Variants in CCDC91 observed in about 807,000 individuals in gnomAD.
CCDC91 encodes coiled-coil domain containing 91, also known as coiled-coil domain-containing protein 91.
In CCDC91, 48 loss-of-function variants were observed where a neutral mutation model predicts 63.2. That is an observed-to-expected ratio of 0.76 (90% CI 0.60 to 0.97). The LOEUF is 0.97. CCDC91 is among the 50% of genes least tolerant of loss of function. The probability of loss-of-function intolerance (pLI) is 0.00; values close to 1 mark genes in which losing one functional copy is unlikely to be tolerated. For missense variants in CCDC91, 500 were observed against 494.6 expected (o/e 1.01, Z -0.10); for synonymous variants, 167 against 165.8 (o/e 1.01, Z -0.06).
At chr12:28,498,807 C>T (rs992528773) in intron 12 of CCDC91, among the ~76,000 whole-genome samples, 4 of 151,672 alleles carry the variant, frequency 2.6e-5, no homozygotes, top group African/African-American at 9.7e-5. Flanking sequence ...CTAGGTAGCA[C>T]TCTTAAGTGC....
intron 3 of CCDC91, among the ~76,000 whole-genome samples, chr12:28,279,882 T>G (rs1948487881): frequency 6.6e-6 from 1 of 151,470 alleles, no homozygotes; most frequent in Admixed American, 6.6e-5. Context: ...TCTCTGTGTA[T>G]ATATACGATG....
At chr12:28,453,785 A>C (rs1354321898) in intron 11 of CCDC91, among the ~76,000 whole-genome samples, 3 of 152,152 alleles carry the variant, frequency 2.0e-5, no homozygotes, top group Non-Finnish European at 4.4e-5. Context: ...AGTAAGGTCA[A>C]GTTCACTGGC....
intron 1 of CCDC91, among the ~76,000 whole-genome samples, chr12:28,250,153 G>T (rs1946024202): frequency 6.6e-6 from 1 of 151,990 alleles, no homozygotes; most frequent in Non-Finnish European, 1.5e-5. Flanking sequence ...TAGATATAAG[G>T]GTTTGGAGAG....
chr12:28,519,287 G>GTTGT (rs1349772208), intron 12 of CCDC91, among the ~76,000 whole-genome samples: 1 of 134,764 alleles, frequency 7.4e-6, no homozygotes, highest in African/African-American at 2.7e-5. Context: ...ATATTGCTAA[G>GTTGT]TTGTTTGTTT....
intron 6 of CCDC91, among the ~76,000 whole-genome samples, chr12:28,337,597 T>C (rs1942084034): frequency 6.6e-6 from 1 of 152,066 alleles, no homozygotes; most frequent in African/African-American, 2.4e-5. Flanking sequence ...AAATACATAC[T>C]TTAAATTGGT....
chr12:28,329,907 T>A (rs1173897336), intron 6 of CCDC91, among the ~76,000 whole-genome samples: 1 of 152,138 alleles, frequency 6.6e-6, no homozygotes, highest in Non-Finnish European at 1.5e-5. Flanking sequence ...AGAATGATGG[T>A]TTCCAGCTTC....
chr12:28,332,213 AC>A (rs1187855655), intron 6 of CCDC91, among the ~76,000 whole-genome samples: 1 of 152,148 alleles, frequency 6.6e-6, no homozygotes, highest in Non-Finnish European at 1.5e-5. Flanking sequence ...CAGATCTGGG[AC>A]TTATTGCTTC....
intron 12 of CCDC91, among the ~76,000 whole-genome samples, chr12:28,515,132 T>C (rs186491097): frequency 3.3e-5 from 5 of 151,664 alleles, no homozygotes; most frequent in African/African-American, 1.2e-4. Context: ...ATCATTTGTG[T>C]TTTTTTTCCC....
intron 11 of CCDC91, among the ~76,000 whole-genome samples, chr12:28,461,858 G>C (rs1950324244): frequency 6.6e-6 from 1 of 151,974 alleles, no homozygotes; most frequent in Non-Finnish European, 1.5e-5. Flanking sequence ...GTTCTTGCTA[G>C]GATGGCCACC....
rs1269548159 is a variant in CCDC91, at chr12:28,550,066, G to A, written c.*893G>A. ...AAACTAAAATGTCATTAATATGTAT[G>A]TATGCAAATGTTTTATCTTATTTTC... On this transcript the variant is annotated 3_prime_UTR_variant, in exon 13 of 13. Transcript: ENST00000536442. 6.6e-6 allele frequency: 1 copy of A among 152,360 alleles called. No individual in the cohort carries two copies. The highest frequency in any genetic ancestry group is 2.4e-5 in the African/African-American group (1 of 41,386). 9.4% of individuals were successfully genotyped at this position (152,360 alleles called of 1,614,324 possible). A position where few individuals can be genotyped will look rare whatever the true frequency, so the allele number is the denominator to read the frequency against.
intron 3 of CCDC91, among the ~76,000 whole-genome samples, chr12:28,287,371 A>G (rs1325503350): frequency 6.6e-6 from 1 of 152,054 alleles, no homozygotes; most frequent in Non-Finnish European, 1.5e-5. Context: ...ATCCACTCTT[A>G]TGTTAATTTT....
At chr12:28,314,889 A>G (rs1042544576) in intron 6 of CCDC91, among the ~76,000 whole-genome samples, 2 of 151,996 alleles carry the variant, frequency 1.3e-5, no homozygotes, top group African/African-American at 2.4e-5. Flanking sequence ...TGAGAGATCA[A>G]TCATTGTGAG....
chr12:28,493,713 C>G (rs1389211538), intron 12 of CCDC91, among the ~76,000 whole-genome samples: 4 of 151,680 alleles, frequency 2.6e-5, no homozygotes, highest in African/African-American at 9.7e-5. Context: ...CATATAGTAA[C>G]AGTAATACAA....
chr12:28,526,763 A>AG (rs1941299339), intron 12 of CCDC91, among the ~76,000 whole-genome samples: 1 of 151,958 alleles, frequency 6.6e-6, no homozygotes, highest in African/African-American at 2.4e-5. Flanking sequence ...TGGCCATTTA[A>AG]CATAATCCCA....
At position 28,354,391 on chromosome 12, in the gene CCDC91, C is replaced by T. The variant is rs114290754; in HGVS notation, c.577-8047C>T. Among the ~76,000 whole-genome samples, 1,150 of 152,214 alleles carry T rather than the reference C, an allele frequency of 7.6e-3. 19 individuals carry two copies. The highest frequency in any genetic ancestry group is 0.026 in the African/African-American group (1,072 of 41,526). ...CCAATAATTGGACTTTGGGCCCATC[C>T]TAAGTCCAGGATAATCTCATCTTAT... On this transcript the variant is annotated intron_variant, in intron 6 of 12. Transcript: ENST00000536442.
chr12:28,381,483 G>A (rs543737263), intron 7 of CCDC91, among the ~76,000 whole-genome samples: 8 of 152,056 alleles, frequency 5.3e-5, no homozygotes, highest in Non-Finnish European at 8.8e-5. Context: ...TGGTATTTGG[G>A]CATCAGTCTT....
At chr12:28,454,781 A>G (rs778895359) in intron 11 of CCDC91, among the ~76,000 whole-genome samples, 1 of 152,028 alleles carries the variant, frequency 6.6e-6, no homozygotes, top group Non-Finnish European at 1.5e-5. Flanking sequence ...TCCTTTGATC[A>G]TATGGCACTG....
chr12:28,301,542 GTCT>G (rs1323371523), intron 3 of CCDC91, among the ~76,000 whole-genome samples: 1 of 151,320 alleles, frequency 6.6e-6, no homozygotes, highest in African/African-American at 2.4e-5. Context: ...GATTTTTAAT[GTCT>G]TTATAAGGTG....
At chr12:28,239,596 A>T (rs751600019) in intron 1 of CCDC91, among the ~76,000 whole-genome samples, 1 of 152,144 alleles carries the variant, frequency 6.6e-6, no homozygotes, top group Non-Finnish European at 1.5e-5. Flanking sequence ...ATGGAATATT[A>T]TATGCTAGGA....
Sources: gnomAD v4.1 joint callset for allele counts (sites outside exome capture counted in the v4.1 genomes callset) on GRCh38, gnomAD v4.1.1 for gene constraint, MANE v1.5 for transcripts, NCBI Gene and HGNC (gene_info 2026-07-23, HGNC 2026-07-21) for gene names.